The following BTRC variants were observed in gnomAD, a reference collection of about 807,000 sequenced individuals.
The protein encoded by BTRC is beta-transducin repeat containing E3 ubiquitin protein ligase.
In BTRC, 42 loss-of-function variants were observed where a neutral mutation model predicts 85.5. That is an observed-to-expected ratio of 0.49 (90% CI 0.38 to 0.64). The LOEUF (loss-of-function observed/expected upper bound fraction) is 0.64. BTRC is among the 30% of genes least tolerant of loss of function. BTRC has a pLI of 0.00. For missense variants in BTRC, 594 were observed against 743.5 expected (o/e 0.80, Z 2.34); for synonymous variants, 255 against 263.3 (o/e 0.97, Z 0.30).
chr10:101,461,269 A>T (rs556290170), intron 2 of BTRC, among the ~76,000 whole-genome samples: 2 of 152,284 alleles, frequency 1.3e-5, no homozygotes, highest in Non-Finnish European at 2.9e-5. Flanking sequence ...TGGAACTCAA[A>T]TAATATGTAA....
chr10:101,440,185 A>G (rs542245298), intron 2 of BTRC, among the ~76,000 whole-genome samples: 1 of 152,220 alleles, frequency 6.6e-6, no homozygotes, highest in South Asian at 2.1e-4. Context: ...AATATTTTGT[A>G]GTAATAAAAT....
rs747120648 is a variant in BTRC, at chr10:101,521,708, A to G, written c.394A>G (p.Lys132Glu). The G allele has an allele frequency of 5.0e-6, 8 of 1,614,210 alleles. No homozygotes were observed. The highest frequency in any genetic ancestry group is 6.8e-6 in the Non-Finnish European group (8 of 1,180,034). The change falls in exon 5 of 15, where the codon AAG (lysine) becomes GAG (glutamate). Residue 132 changes from lysine to glutamate, a missense_variant. Around this residue, in one of 4 missense-constraint regions of BTRC, gnomAD observed 163 missense variants for 180.5 expected, o/e 0.90. Transcript: ENST00000370187. ...KQRKLSASYE[K>E]EKELCVKYFE... ...ACGGAAACTCTCAGCAAGCTATGAA[A>G]AGGAAAAGGAACTGTGTGTCAAATA...
At chr10:101,427,117 T>C (rs796596144) in intron 1 of BTRC, among the ~76,000 whole-genome samples, 196 of 59,416 alleles carry the variant, frequency 3.3e-3, no homozygotes, top group African/African-American at 7.0e-3. Flanking sequence ...TTCTTTCTTT[T>C]TTTTTTTTTT....
At chr10:101,356,378 T>G (rs1942035406) in intron 1 of BTRC, among the ~76,000 whole-genome samples, 1 of 152,210 alleles carries the variant, frequency 6.6e-6, no homozygotes, top group Non-Finnish European at 1.5e-5. Context: ...TAAAGAGACA[T>G]TATGAGATCA....
At chr10:101,508,913 TA>T (rs59998718) in intron 4 of BTRC, among the ~76,000 whole-genome samples, 33,461 of 101,348 alleles carry the variant, frequency 0.33, 6,737 homozygotes, top group East Asian at 0.65. Context: ...GACTCCATCT[TA>T]AAAAAAAAAA....
At chr10:101,390,422 TCGCCTCCCGGGTTC>T (rs2133980544) in intron 1 of BTRC, among the ~76,000 whole-genome samples, 1 of 151,362 alleles carries the variant, frequency 6.6e-6, no homozygotes, top group African/African-American at 2.4e-5. Flanking sequence ...ACTGCAAGCT[TCGCCTCCCGGGTTC>T]ACGCCATTCT....
intron 3 of BTRC, among the ~76,000 whole-genome samples, chr10:101,464,688 G>A (rs1008829947): frequency 2.0e-5 from 3 of 152,154 alleles, no homozygotes; most frequent in Non-Finnish European, 4.4e-5. Context: ...TGAAGAGCAT[G>A]AACTCAATGT....
At chr10:101,388,221 G>A (rs1488027827) in intron 1 of BTRC, among the ~76,000 whole-genome samples, 1 of 151,998 alleles carries the variant, frequency 6.6e-6, no homozygotes, top group East Asian at 1.9e-4. Context: ...GAGGGTAGTG[G>A]TACAATCATA....
chr10:101,537,914 T>G (rs76983180), intron 12 of BTRC, among the ~76,000 whole-genome samples: 1 of 152,316 alleles, frequency 6.6e-6, no homozygotes, highest in African/African-American at 2.4e-5. Context: ...TTATCTTATT[T>G]AAATCAAAAG....
intron 13 of BTRC, among the ~76,000 whole-genome samples, chr10:101,541,447 A>T (rs2062467424): frequency 6.6e-6 from 1 of 151,932 alleles, no homozygotes; most frequent in Non-Finnish European, 1.5e-5. Flanking sequence ...TTTTTAGTAG[A>T]GACGGGGTTT....
intron 13 of BTRC, among the ~76,000 whole-genome samples, chr10:101,546,441 ATAG>A (rs1401962237): frequency 6.6e-6 from 1 of 152,130 alleles, no homozygotes; most frequent in Non-Finnish European, 1.5e-5. Flanking sequence ...TTGTGGGTAC[ATAG>A]TAGGTTTATA....
intron 4 of BTRC, among the ~76,000 whole-genome samples, chr10:101,512,643 A>G (rs1223076643): frequency 1.3e-5 from 2 of 152,118 alleles, no homozygotes; most frequent in East Asian, 1.9e-4. Flanking sequence ...GCAAGTGTCT[A>G]TTTTTCCCTC....
At chr10:101,491,766 G>C (rs1460360357) in intron 4 of BTRC, among the ~76,000 whole-genome samples, 1 of 151,932 alleles carries the variant, frequency 6.6e-6, no homozygotes, top group African/African-American at 2.4e-5. Context: ...TTTATATTTT[G>C]ATTCATGCTT....
intron 1 of BTRC, among the ~76,000 whole-genome samples, chr10:101,414,104 A>G (rs1008408703): frequency 2.0e-4 from 31 of 152,158 alleles, no homozygotes; most frequent in Middle Eastern, 3.4e-3. Context: ...GAAATTCTAT[A>G]CTCATTAAAT....
intron 2 of BTRC, among the ~76,000 whole-genome samples, chr10:101,438,083 C>T (rs1944578019): frequency 6.6e-6 from 1 of 151,952 alleles, no homozygotes; most frequent in African/African-American, 2.4e-5. Flanking sequence ...CAAAAAATTC[C>T]TGATTGGGTC....
intron 2 of BTRC, among the ~76,000 whole-genome samples, chr10:101,459,183 G>A (rs753935532): frequency 4.6e-5 from 7 of 152,130 alleles, no homozygotes; most frequent in Non-Finnish European, 7.4e-5. Context: ...ATATAATTTA[G>A]CCTGATGATC....
chr10:101,522,091 G>T (rs1424289384), intron 5 of BTRC, among the ~76,000 whole-genome samples: 1 of 118,126 alleles, frequency 8.5e-6, no homozygotes, highest in Non-Finnish European at 1.6e-5. Context: ...GGAATGCAGT[G>T]GTGTGATCTC....
At chr10:101,391,035 G>T (rs576323369) in intron 1 of BTRC, among the ~76,000 whole-genome samples, 1 of 152,134 alleles carries the variant, frequency 6.6e-6, no homozygotes, top group Non-Finnish European at 1.5e-5. Flanking sequence ...TAAGAATTTT[G>T]CCTAAAGAAC....
At chr10:101,543,796 AT>A (rs1188804095) in intron 13 of BTRC, among the ~76,000 whole-genome samples, 1 of 151,924 alleles carries the variant, frequency 6.6e-6, no homozygotes, top group Non-Finnish European at 1.5e-5. Context: ...CTATATGTTC[AT>A]TTTTCACCCC....
Sources: gnomAD v4.1 joint callset for allele counts (sites outside exome capture counted in the v4.1 genomes callset) on GRCh38, gnomAD v4.1.1 for gene constraint, gnomAD v4.1.1 regional missense constraint, MANE v1.5 for transcripts, NCBI Gene and HGNC (gene_info 2026-07-23, HGNC 2026-07-21) for gene names.